PCDH11X: variants seen among roughly 807,000 people sequenced by gnomAD.
The protein encoded by PCDH11X is protocadherin-11 X-linked.
A neutral mutation model predicts 53.3 loss-of-function variants in PCDH11X; 18 were observed. The observed-to-expected ratio is 0.34, with a 90% CI of 0.23 to 0.50. The LOEUF (loss-of-function observed/expected upper bound fraction) is 0.50. Among genes scored for constraint, PCDH11X ranks in the 20% least tolerant of loss-of-function variants. PCDH11X has a pLI of 0.98. For synonymous variants in PCDH11X, 279 were observed against 393.3 expected (o/e 0.71, Z 3.44); for missense variants, 570 against 1,032.4 (o/e 0.55, Z 6.14).
chrX:92,334,721 T>C lies in PCDH11X; in HGVS notation c.3145-53014T>C, dbSNP rs1051143281. Among the ~76,000 whole-genome samples, 17 of 111,881 alleles carry C rather than the reference T, an allele frequency of 1.5e-4. 1 individual carries two copies. The South Asian group carries it at 3.0e-3, about 20-fold the overall frequency. ...GCCATTTCATACAACTGATTCATCT[T>C]GTAAACAGACAAGATAAACTTATAG... is the stretch of plus-strand genomic sequence containing the variant. On this transcript the variant is annotated intron_variant, in intron 8 of 10. Transcript: ENST00000682573.
At chrX:92,036,117 G>A in intron 6 of PCDH11X, among the ~76,000 whole-genome samples, 1 of 84,387 alleles carries the variant, frequency 1.2e-5, no homozygotes, top group Admixed American at 1.4e-4. Flanking sequence ...CTGTCTCAAA[G>A]GGCATATATC....
chrX:92,199,766 G>A (rs923990178), intron 6 of PCDH11X, among the ~76,000 whole-genome samples: 1 of 111,393 alleles, frequency 9.0e-6, no homozygotes, highest in Non-Finnish European at 1.9e-5. Context: ...TTTTTCTAAT[G>A]TTTGAATACT....
At chrX:92,430,833 CTGTT>C (rs1432610844) in intron 9 of PCDH11X, among the ~76,000 whole-genome samples, 2 of 105,107 alleles carry the variant, frequency 1.9e-5, no homozygotes, top group African/African-American at 3.3e-5. Flanking sequence ...GTTTACAACT[CTGTT>C]TGCAACCATC....
At chrX:91,898,954 C>T (rs1276124549) in intron 6 of PCDH11X, among the ~76,000 whole-genome samples, 1 of 108,892 alleles carries the variant, frequency 9.2e-6, no homozygotes, top group Non-Finnish European at 1.9e-5. Context: ...TGTTCAGAAC[C>T]TCAATGAGAT....
At chrX:92,278,466 G>A (rs2068161946) in intron 8 of PCDH11X, among the ~76,000 whole-genome samples, 1 of 111,337 alleles carries the variant, frequency 9.0e-6, no homozygotes, top group African/African-American at 3.3e-5. Flanking sequence ...AAGAGAGTCA[G>A]TGAAGGGAGA....
intron 8 of PCDH11X, among the ~76,000 whole-genome samples, chrX:92,266,051 G>GATT (rs1462292436): frequency 1.3e-4 from 14 of 111,333 alleles, no homozygotes; most frequent in Non-Finnish European, 2.6e-4. Flanking sequence ...ATACTATGGA[G>GATT]ATTAGGTCTG....
chrX:91,854,954 A>G (rs138382713), intron 5 of PCDH11X, among the ~76,000 whole-genome samples: 1,413 of 111,021 alleles, frequency 0.013, 11 homozygotes, highest in Non-Finnish European at 0.021. Flanking sequence ...TTGTCTCTTC[A>G]CTTTGTTTTT....
chrX:92,204,700 C>A (rs1217115724), intron 7 of PCDH11X, among the ~76,000 whole-genome samples: 3 of 112,327 alleles, frequency 2.7e-5, no homozygotes, highest in Non-Finnish European at 5.6e-5. Context: ...CTTATATCAG[C>A]ACCCCACTAC....
intron 6 of PCDH11X, among the ~76,000 whole-genome samples, chrX:92,179,247 A>G (rs1374819720): frequency 8.9e-6 from 1 of 112,652 alleles, no homozygotes; most frequent in African/African-American, 3.2e-5. Context: ...TTGTTAAAGC[A>G]AGTGAATGTT....
chrX:91,911,708 G>T (rs1346244073), intron 6 of PCDH11X, among the ~76,000 whole-genome samples: 1 of 110,714 alleles, frequency 9.0e-6, no homozygotes, highest in Non-Finnish European at 1.9e-5. Context: ...ATAAATAAGT[G>T]AGAACATGTG....
At chrX:92,331,279 T>TTTCTTCTTCTTCTTCTTCTTCTTC (rs757045963) in intron 8 of PCDH11X, among the ~76,000 whole-genome samples, 685 of 53,130 alleles carry the variant, frequency 0.013, 65 homozygotes, top group African/African-American at 0.028. Flanking sequence ...CCTCCTCCTC[T>TTTCTTCTTCTTCTTCTTCTTCTTC]TTCTTCTTCT....
At chrX:91,837,727 TTGAG>T (rs1426086518) in intron 5 of PCDH11X, among the ~76,000 whole-genome samples, 6 of 110,857 alleles carry the variant, frequency 5.4e-5, no homozygotes, top group African/African-American at 2.0e-4. Flanking sequence ...ACATAATAAA[TTGAG>T]TAACAGAGTG....
At position 92,255,202 on chromosome X, in the gene PCDH11X, C is replaced by T. The variant is rs907454106; in HGVS notation, c.3115-7912C>T. Among the ~76,000 whole-genome samples the T allele has an allele frequency of 2.5e-3, 267 of 108,911 alleles. 2 individuals carry two copies. Among genetic ancestry groups the T allele is most frequent in the African/African-American group, 8.4e-3 (250 of 29,776 alleles). 94.6% of individuals were successfully genotyped at this position (108,911 alleles called of 115,157 possible). ...TCATTTCATTCATTTCATCTTCCAT[C>T]GCTGATATCCTTTCTTCCAGTTGAT... On this transcript the variant is annotated intron_variant, in intron 7 of 10. Coordinates refer to ENST00000682573, the MANE Select transcript of PCDH11X (RefSeq NM_032968.5).
At chrX:91,838,386 T>A (rs747158904) in intron 5 of PCDH11X, among the ~76,000 whole-genome samples, 1 of 111,907 alleles carries the variant, frequency 8.9e-6, no homozygotes, top group Non-Finnish European at 1.9e-5. Flanking sequence ...CTATATGATG[T>A]GCCTAAAGTA....
intron 6 of PCDH11X, among the ~76,000 whole-genome samples, chrX:92,119,139 TCTGTTGCTCAGGCTGGAGTG>T (rs1324134966): frequency 9.1e-6 from 1 of 110,473 alleles, no homozygotes; most frequent in Non-Finnish European, 1.9e-5. Context: ...ACAGGGTCTC[TCTGTTGCTCAGGCTGGAGTG>T]CTGTGGTGCC....
intron 10 of PCDH11X, among the ~76,000 whole-genome samples, chrX:92,510,058 A>G (rs2074136370): frequency 9.5e-6 from 1 of 105,211 alleles, no homozygotes; most frequent in Non-Finnish European, 2.0e-5. Flanking sequence ...TTGGAAGGTT[A>G]TAATGGTCAG....
chrX:92,445,595 G>C (rs905647951), intron 9 of PCDH11X, among the ~76,000 whole-genome samples: 89 of 109,848 alleles, frequency 8.1e-4, no homozygotes, highest in Non-Finnish European at 1.4e-3. Flanking sequence ...AAAACTTAAT[G>C]CATAAGAAAA....
intron 6 of PCDH11X, among the ~76,000 whole-genome samples, chrX:92,147,758 A>G (rs1449141313): frequency 9.4e-6 from 1 of 106,213 alleles, no homozygotes; most frequent in African/African-American, 3.5e-5. Context: ...CCATGTAGTC[A>G]CACTCCTCGT....
intron 6 of PCDH11X, among the ~76,000 whole-genome samples, chrX:91,924,424 C>T (rs1569258395): frequency 9.0e-6 from 1 of 111,264 alleles, no homozygotes; most frequent in Non-Finnish European, 1.9e-5. Context: ...CATTTTAGCC[C>T]AGCAAGACCC....
Sources: allele counts gnomAD v4.1 joint callset (sites outside exome capture counted in the v4.1 genomes callset), GRCh38; gene constraint gnomAD v4.1.1; transcripts MANE v1.5; gene names NCBI Gene and HGNC (gene_info 2026-07-23, HGNC 2026-07-21).